ZNF90: variants seen among roughly 807,000 people sequenced by gnomAD.
The protein encoded by ZNF90 is zinc finger protein 90.
Under a neutral mutation model 12.0 loss-of-function variants are expected in ZNF90, and 11 were observed. The ratio of observed to expected loss-of-function variants is 0.92; its 90% CI spans 0.58 to 1.52. The LOEUF (loss-of-function observed/expected upper bound fraction) is 1.52, where lower values mean the gene tolerates loss of function less well. Among genes scored for constraint, ZNF90 ranks in the 40% most tolerant of loss-of-function variants. ZNF90 has a pLI of 0.00. For synonymous variants in ZNF90, 232 were observed against 240.1 expected (o/e 0.97, Z 0.31); for missense variants, 765 against 711.5 (o/e 1.08, Z -0.86).
chr19:20,117,401 T>TTCCTTCCTTCCTTCCTTCCG (rs2089148773), intron 3 of ZNF90, among the ~76,000 whole-genome samples: 1 of 145,560 alleles, frequency 6.9e-6, no homozygotes, highest in African/African-American at 2.7e-5. Flanking sequence ...TCTTTTCTCC[T>TTCCTTCCTTCCTTCCTTCCG]TCCTTCCTTC....
intron 1 of ZNF90, among the ~76,000 whole-genome samples, chr19:20,101,222 C>T (rs782412412): frequency 3.3e-5 from 5 of 152,268 alleles, no homozygotes; most frequent in South Asian, 4.2e-4. Flanking sequence ...GCTAAGTGCT[C>T]GGGTTCATCC....
chr19:20,118,444 C>T lies in ZNF90; in HGVS notation c.890C>T (p.Ser297Phe), dbSNP rs782584317. The T allele has an allele frequency of 4.3e-6, 7 of 1,612,182 alleles. No homozygotes were observed. The highest frequency in any genetic ancestry group is 1.3e-5 in the African/African-American group (1 of 74,816). The stretch of plus-strand genomic sequence containing the variant: ...AAATGTGGCAGAGCATTTATTTCAT[C>T]CTCGATCCTTTATGTACATAAGATA... ...CDKCGRAFIS[S>F]SILYVHKISH... Residue 297 changes from serine (S) to phenylalanine (F), a missense_variant, in exon 4 of 4, where the codon TCC becomes TTC. Physicochemically the swap from Ser to Phe is radical, Grantham distance 155. Transcript: ENST00000418063.
intron 3 of ZNF90, chr19:20,106,977 A>G (rs1197026890): frequency 8.8e-6 from 4 of 454,416 alleles, no homozygotes; most frequent in Non-Finnish European, 1.8e-5. Context: ...TTTGCTCTGT[A>G]GGGCAGACAC....
chr19:20,095,146 C>T (rs183440542), intron 1 of ZNF90, among the ~76,000 whole-genome samples: 25 of 151,462 alleles, frequency 1.7e-4, no homozygotes, highest in Admixed American at 1.2e-3. Context: ...AGGGGACAGG[C>T]GGGAGGGAAA....
At chr19:20,079,898 G>A in intron 1 of ZNF90, 1 of 419,878 alleles carries the variant, frequency 2.4e-6, no homozygotes. Context: ...TCGGGAGACT[G>A]CTGATTTTGG....
chr19:20,090,602 G>C (rs1195247449), intron 1 of ZNF90, among the ~76,000 whole-genome samples: 1 of 152,166 alleles, frequency 6.6e-6, no homozygotes, highest in Non-Finnish European at 1.5e-5. Flanking sequence ...AACAACAACT[G>C]ATCGTCCAGC....
At chr19:20,116,287 A>T (rs1555705651) in intron 3 of ZNF90, among the ~76,000 whole-genome samples, 1 of 152,106 alleles carries the variant, frequency 6.6e-6, no homozygotes. Flanking sequence ...CTTGTGTGTC[A>T]GCCTCCCAAG....
At chr19:20,092,683 G>T (rs1306283465) in intron 1 of ZNF90, among the ~76,000 whole-genome samples, 1 of 152,210 alleles carries the variant, frequency 6.6e-6, no homozygotes, top group Admixed American at 6.5e-5. Context: ...TTGTAGAAGG[G>T]ATTGGGGTTT....
At chr19:20,088,724 T>C (rs1472012249) in intron 1 of ZNF90, among the ~76,000 whole-genome samples, 2 of 152,182 alleles carry the variant, frequency 1.3e-5, no homozygotes, top group Non-Finnish European at 2.9e-5. Context: ...AACTTGGGCC[T>C]GGAGGACTGA....
chr19:20,079,749 G>A, intron 1 of ZNF90: 1 of 221,020 alleles, frequency 4.5e-6, no homozygotes, highest in South Asian at 6.1e-5. Flanking sequence ...AGGCATATAA[G>A]CTTAAGAAAA....
chr19:20,088,683 A>C (rs2122482833), intron 1 of ZNF90, among the ~76,000 whole-genome samples: 1 of 152,314 alleles, frequency 6.6e-6, no homozygotes, highest in African/African-American at 2.4e-5. Flanking sequence ...AGGCCTCGGC[A>C]GTTTTGGAGG....
At chr19:20,090,848 G>C (rs1461911068) in intron 1 of ZNF90, among the ~76,000 whole-genome samples, 5 of 152,160 alleles carry the variant, frequency 3.3e-5, no homozygotes, top group African/African-American at 1.2e-4. Context: ...TAAAAGTACT[G>C]TCCAATCTTT....
chr19:20,109,261 G>A (rs1474461), intron 3 of ZNF90, among the ~76,000 whole-genome samples: 41,895 of 152,018 alleles, frequency 0.28, 6,327 homozygotes, highest in East Asian at 0.48. Context: ...GAGATAAATT[G>A]TGCATGTCTA....
intron 3 of ZNF90, among the ~76,000 whole-genome samples, chr19:20,108,377 C>T (rs1430465355): frequency 1.3e-5 from 2 of 152,134 alleles, no homozygotes; most frequent in African/African-American, 2.4e-5. Context: ...TGGTGCAATC[C>T]TGGCTCACTG....
chr19:20,115,470 G>A (rs1443423656), intron 3 of ZNF90, among the ~76,000 whole-genome samples: 1 of 117,942 alleles, frequency 8.5e-6, no homozygotes, highest in Non-Finnish European at 1.8e-5. Flanking sequence ...TTTCTTTTGT[G>A]TATCTTTACA....
chr19:20,102,278 C>T (rs1223417955), intron 1 of ZNF90, among the ~76,000 whole-genome samples: 2 of 152,276 alleles, frequency 1.3e-5, no homozygotes, highest in East Asian at 1.9e-4. Context: ...TATTTAGGGT[C>T]GTTAGTCATC....
chr19:20,088,194 C>T (rs574571527), intron 1 of ZNF90, among the ~76,000 whole-genome samples: 16 of 150,192 alleles, frequency 1.1e-4, no homozygotes, highest in African/African-American at 2.7e-4. Flanking sequence ...AGTGTTGGGG[C>T]GGCAAAAATT....
At chr19:20,107,189 T>C (rs1480590990) in intron 3 of ZNF90, 1 of 360,882 alleles carries the variant, frequency 2.8e-6, no homozygotes, top group Non-Finnish European at 5.5e-6. Flanking sequence ...TAAAGGCCAA[T>C]GTCTTCATGC....
At chr19:20,098,748 CAG>C (rs2088967329) in intron 1 of ZNF90, among the ~76,000 whole-genome samples, 1 of 152,188 alleles carries the variant, frequency 6.6e-6, no homozygotes, top group African/African-American at 2.4e-5. Context: ...TGGAGGATGT[CAG>C]AGCAGAATTG....
Sources: allele counts gnomAD v4.1 joint callset (sites outside exome capture counted in the v4.1 genomes callset), GRCh38; gene constraint gnomAD v4.1.1; transcripts MANE v1.5; gene names NCBI Gene and HGNC (gene_info 2026-07-23, HGNC 2026-07-21).